The following AFF4 variants were observed in gnomAD, a reference collection of about 807,000 sequenced individuals.
AFF4 encodes the protein ALF transcription elongation factor 4, also known as AF4/FMR2 family member 4.
Under a neutral mutation model 124.8 loss-of-function variants are expected in AFF4, and 13 were observed. The ratio of observed to expected loss-of-function variants is 0.10; its 90% CI spans 0.07 to 0.17. The LOEUF is 0.17. Ranked by LOEUF, AFF4 falls within the 10% of genes least tolerant of loss-of-function variation. The probability of loss-of-function intolerance (pLI) is 1.00; values close to 1 mark genes in which losing one functional copy is unlikely to be tolerated. For missense variants in AFF4, 1,092 were observed against 1,403.8 expected, an observed-to-expected ratio of 0.78 and a Z score of 3.55; for synonymous variants, 477 against 496.1, an observed-to-expected ratio of 0.96 and a Z score of 0.51.
At chr5:132,955,832 T>C (rs540900022) in intron 1 of AFF4, among the ~76,000 whole-genome samples, 1 of 132,422 alleles carries the variant, frequency 7.6e-6, no homozygotes, top group African/African-American at 2.9e-5. Flanking sequence ...ACACACAAAA[T>C]ATATACATAT....
chr5:132,888,073 A>C, intron 15 of AFF4, 24 bp downstream of exon 15: 1 of 1,607,396 alleles, frequency 6.2e-7, no homozygotes. Flanking sequence ...TAAATACGTA[A>C]GTGTAAGGAG....
intron 4 of AFF4, among the ~76,000 whole-genome samples, chr5:132,928,437 A>G (rs1761227124): frequency 6.6e-6 from 1 of 152,208 alleles, no homozygotes; most frequent in Non-Finnish European, 1.5e-5. Context: ...CTTACTAGTG[A>G]TCTTTGTAGC....
At chr5:132,927,093 T>G (rs1761189787) in intron 5 of AFF4, 28 bp downstream of exon 5, 2 of 1,586,644 alleles carry the variant, frequency 1.3e-6, no homozygotes, top group African/African-American at 2.7e-5. Context: ...TTTTCTTACA[T>G]TATGAAAGAT....
Position 132,892,269 on chromosome 5 carries a change from G to C in AFF4, c.2532C>G (p.Ser844Arg). 2 of 1,614,038 alleles carry C rather than the reference G, an allele frequency of 1.2e-6. No individual in the cohort carries two copies. The highest frequency in any genetic ancestry group is 4.5e-5 in the East Asian group (2 of 44,862). Residue 844 changes from serine (S) to arginine (R), a missense_variant, in exon 13 of 21, where the codon AGC becomes AGG. By Grantham distance (110) the Ser-to-Arg change is moderately radical. This residue lies in a region of AFF4 where 293 missense variants were observed against 280.2 expected (regional missense o/e 1.05). Transcript: ENST00000265343. ...TISQSSSLKS[S>R]SNSNKETSGS... is the part of the protein sequence containing the mutation. ...CACTCGTCTCCTTGTTGCTGTTACT[G>C]CTTGACTTTAAGGAAGAAGACTGAC...
At chr5:132,957,333 C>T (rs1761986937) in intron 1 of AFF4, among the ~76,000 whole-genome samples, 1 of 151,628 alleles carries the variant, frequency 6.6e-6, no homozygotes, top group Non-Finnish European at 1.5e-5. Context: ...GAGTGCAGTC[C>T]TGTCCAAAAA....
chr5:132,892,229 T>C lies in AFF4; in HGVS notation c.2572A>G (p.Ser858Gly). ...NKETSGSSKN[S>G]SSTSKQKKTE... is the part of the protein sequence containing the mutation. ...TTCTTCTGCTTTGATGTGGAGGAAC[T>C]GTTTTTGCTGCTGCCACTCGTCTCC... The change falls in exon 13 of 21, where the codon AGT (serine) becomes GGT (glycine). Residue 858 changes from serine to glycine, a missense_variant. Transcript: ENST00000265343. 3 of 1,614,122 alleles carry C rather than the reference T, an allele frequency of 1.9e-6. No homozygotes were observed. Among genetic ancestry groups the C allele is most frequent in the Non-Finnish European group, 2.5e-6 (3 of 1,180,018 alleles).
At position 132,885,110 on chromosome 5, in the gene AFF4, T is replaced by C; in HGVS notation, c.3109A>G (p.Asn1037Asp). The change falls in exon 19 of 21, where the codon AAT (asparagine) becomes GAT (aspartate). Residue 1037 changes from asparagine to aspartate, a missense_variant. By Grantham distance (23) the Asn-to-Asp change is conservative. Around this residue, in one of 11 missense-constraint regions of AFF4, gnomAD observed 173 missense variants for 294.9 expected, o/e 0.59. Transcript: ENST00000265343. ...TLTEHLKNSY[N>D]NSQAPSPGLG... ...CCAGGCGATGGTGCTTGAGAATTAT[T>C]ATAAGAATTCTGTGGAAAAAGTAAA... is the stretch of plus-strand genomic sequence containing the variant. 2 of 1,595,852 alleles carry C rather than the reference T, an allele frequency of 1.3e-6. No homozygotes were observed. The highest frequency in any genetic ancestry group is 1.7e-6 in the Non-Finnish European group (2 of 1,171,902).
intron 10 of AFF4, 39 bp from the exon 11 acceptor site, chr5:132,897,279 G>A (rs1215432165): frequency 6.3e-6 from 10 of 1,578,992 alleles, no homozygotes; most frequent in Non-Finnish European, 8.6e-7. Flanking sequence ...TTTCGATACT[G>A]AATGCTTTTT....
intron 14 of AFF4, 21 bp downstream of exon 14, chr5:132,889,058 C>T: frequency 6.3e-7 from 1 of 1,587,624 alleles, no homozygotes; most frequent in Non-Finnish European, 8.6e-7. Flanking sequence ...AATACAGATA[C>T]AAAAAATCAT....
chr5:132,956,633 GA>G (rs745801334), intron 1 of AFF4, among the ~76,000 whole-genome samples: 2,167 of 94,466 alleles, frequency 0.023, 52 homozygotes, highest in African/African-American at 0.07. Context: ...CTCCATCTCA[GA>G]AAAAAAAAAA....
intron 5 of AFF4, among the ~76,000 whole-genome samples, chr5:132,910,726 C>T (rs969359402): frequency 2.0e-5 from 3 of 152,174 alleles, no homozygotes; most frequent in African/African-American, 7.2e-5. Flanking sequence ...TATATACATC[C>T]AAATTCAGTT....
rs539613500 is a variant in AFF4, at chr5:132,892,460, A to AT, written c.2397-57dup. 2.6e-4 allele frequency: 406 copies of AT among 1,536,488 alleles called. 1 individual carries two copies. In the African/African-American group the frequency reaches 5.3e-3, roughly 20 times the overall value. On this transcript the variant is annotated intron_variant, in intron 12 of 20. Transcript: ENST00000265343. ...CCACACAGTAATACAGGGGTAATTG[A>AT]TTTTTCCATTTCTCTTTGTCTGCTT... is the stretch of plus-strand genomic sequence containing the variant.
At chr5:132,912,504 G>A (rs1316877004) in intron 5 of AFF4, among the ~76,000 whole-genome samples, 1 of 151,958 alleles carries the variant, frequency 6.6e-6, no homozygotes, top group Non-Finnish European at 1.5e-5. Flanking sequence ...GGGACCACAG[G>A]TACGTATCAC....
intron 18 of AFF4, among the ~76,000 whole-genome samples, 157 bp from the exon 19 acceptor site, chr5:132,885,276 G>A (rs1405840725): frequency 1.4e-5 from 2 of 142,272 alleles, no homozygotes; most frequent in Non-Finnish European, 3.1e-5. Flanking sequence ...GTGTGTGTGT[G>A]TAAAAGTACA....
intron 3 of AFF4, among the ~76,000 whole-genome samples, chr5:132,933,859 A>C (rs1761357396): frequency 6.6e-6 from 1 of 152,250 alleles, no homozygotes. Flanking sequence ...AAAATGCAGA[A>C]ATCTAAGATA....
chr5:132,889,834 T>G (rs1012338744), intron 13 of AFF4, among the ~76,000 whole-genome samples: 1 of 152,142 alleles, frequency 6.6e-6, no homozygotes, highest in Non-Finnish European at 1.5e-5. Flanking sequence ...GGAGTCTTGC[T>G]ATGTTGCCCA....
chr5:132,884,961 C>A, intron 19 of AFF4, 115 bp downstream of exon 19: 1 of 621,538 alleles, frequency 1.6e-6, no homozygotes, highest in Non-Finnish European at 2.8e-6. Flanking sequence ...AATATTTTAT[C>A]AGAGATGGTT....
intron 13 of AFF4, among the ~76,000 whole-genome samples, chr5:132,890,111 A>C (rs958994643): frequency 6.6e-6 from 1 of 151,458 alleles, no homozygotes; most frequent in African/African-American, 2.4e-5. Flanking sequence ...ACATTAGAAA[A>C]CTCAATAATA....
intron 4 of AFF4, among the ~76,000 whole-genome samples, chr5:132,929,665 G>A (rs576538837): frequency 1.3e-4 from 20 of 152,294 alleles, no homozygotes; most frequent in African/African-American, 4.8e-4. Flanking sequence ...AAGAATGTAT[G>A]TGGCTTAGGG....
Sources: allele counts gnomAD v4.1 joint callset (sites outside exome capture counted in the v4.1 genomes callset), GRCh38; gene constraint gnomAD v4.1.1; regional missense constraint gnomAD v4.1.1; transcripts MANE v1.5; gene names NCBI Gene and HGNC (gene_info 2026-07-23, HGNC 2026-07-21).